The following INTS5 variants were observed in gnomAD, a reference collection of about 807,000 sequenced individuals.
INTS5 encodes KIAA1698.
In INTS5, 29 loss-of-function variants were observed where a neutral mutation model predicts 60.0. That is an observed-to-expected ratio of 0.48 (90% confidence interval 0.36 to 0.66). The LOEUF is 0.66. INTS5 is among the 30% of genes least tolerant of loss of function. INTS5 has a pLI of 0.00. For missense variants in INTS5, 1,129 were observed against 1,307.9 expected, an observed-to-expected ratio of 0.86 and a Z score of 2.11; for synonymous variants, 588 against 558.8, an observed-to-expected ratio of 1.05 and a Z score of -0.74.
rs1565118779 is a variant in INTS5 at position 62,647,882 on chromosome 11, C to T, written c.2198G>A (p.Arg733Gln). The T allele has an allele frequency of 2.5e-6, 4 of 1,614,192 alleles. No individual in the cohort carries two copies. The highest frequency in any genetic ancestry group is 2.2e-5 in the East Asian group (1 of 44,878). Residue 733 changes from arginine to glutamine, a missense_variant, in exon 2 of 2, where the codon CGG (arginine) becomes CAG (glutamine). By Grantham distance (43) the Arg-to-Gln change is conservative. Around this residue, in one of 3 missense-constraint regions of INTS5, gnomAD observed 1,070 missense variants for 1,246.1 expected, o/e 0.86. Transcript: ENST00000330574. ...ACCTGGCACAGCTGCAGTGTGCCTCCGGTTAGTGTCCAACAGGGAGGCAGA... is the reference window on the plus strand; with the variant it reads ...ACCTGGCACAGCTGCAGTGTGCCTCTGGTTAGTGTCCAACAGGGAGGCAGA... ...LASASLLDTN[R>Q]RHTAAVPGPG...
In INTS5 at chr11:62,648,418, G is replaced by C; in HGVS notation, c.1662C>G (p.Phe554Leu). The C allele has an allele frequency of 6.2e-7, 1 of 1,614,226 alleles. No individual in the cohort carries two copies. The highest frequency in any genetic ancestry group is 1.7e-5 in the Admixed American group (1 of 60,034). The change falls in exon 2 of 2, where the codon TTC becomes TTG. Residue 554 changes from phenylalanine to leucine, a missense_variant. Around this residue, in one of 3 missense-constraint regions of INTS5, gnomAD observed 1,070 missense variants for 1,246.1 expected, o/e 0.86. Transcript: ENST00000330574. This position sits in a 1 kb window ranked among gnomAD's most constrained non-coding sequence, Gnocchi z 4.4. ...VSLSGLLPLAFRSCLARVHAG... is the reference protein window; with the variant it reads ...VSLSGLLPLALRSCLARVHAG... The stretch of plus-strand genomic sequence containing the variant: ...CATGCACCCGAGCCAGACAGCTTCG[G>C]AAAGCCAGGGGCAGGAGGCCAGAGA...
In INTS5 at chr11:62,647,985, G is replaced by C. The variant is rs1443398506; in HGVS notation, c.2095C>G (p.Arg699Gly). 1 of 1,613,982 alleles carries C rather than the reference G, an allele frequency of 6.2e-7. No homozygotes were observed. The highest frequency in any genetic ancestry group is 1.3e-5 in the African/African-American group (1 of 74,926). The change falls in exon 2 of 2, where the codon CGA becomes GGA. Residue 699 changes from arginine to glycine, a missense_variant. Coordinates refer to ENST00000330574, the MANE Select transcript of INTS5 (RefSeq NM_030628.2). ...CCACCAAACAGTTCTGTGTTGCCTC[G>C]ATGTAAGGCTCCTTCAACCAGCAGC... ...LQLLVEGALH[R>G]GNTELFGGQV...
rs1944539801 is a variant in INTS5, at chr11:62,647,631, C to T, written c.2449G>A (p.Val817Met). ...GCTGCATCGGGACACACACTCTCCA[C>T]CAAGGTCACTGCCACTGCTTTGGCT... is the stretch of plus-strand genomic sequence containing the variant. ...EAAKAVAVTL[V>M]ESVCPDAAGA... The change falls in exon 2 of 2, where the codon GTG becomes ATG. Residue 817 changes from valine (V) to methionine (M), a missense_variant. By Grantham distance (21) the Val-to-Met change is conservative (BLOSUM62 1). Around this residue, in one of 3 missense-constraint regions of INTS5, gnomAD observed 1,070 missense variants for 1,246.1 expected, o/e 0.86. Transcript: ENST00000330574. 1.2e-6 allele frequency: 2 copies of T among 1,613,966 alleles called. No individual in the cohort carries two copies. The highest frequency in any genetic ancestry group is 1.7e-5 in the Admixed American group (1 of 60,016).
rs1590835132 is a variant in INTS5 at position 62,646,906 on chromosome 11, G to A, written c.*114C>T. ...AAAAAAAAGTGGGAGAGAAAAAAGT[G>A]ACAGCGCTCTTTAGACCAAGGACTT... is the stretch of plus-strand genomic sequence containing the variant. On this transcript the variant is annotated 3_prime_UTR_variant, in exon 2 of 2. Transcript: ENST00000330574. 1.9e-5 allele frequency: 18 copies of A among 956,200 alleles called. No individual in the cohort carries two copies. The East Asian group carries it at 3.8e-4, about 20-fold the overall frequency. 59.2% of individuals were successfully genotyped at this position (956,200 alleles called of 1,614,324 possible). A position where few individuals can be genotyped will look rare whatever the true frequency, so the allele number is the denominator to read the frequency against.
chr11:62,649,841 A>G lies in INTS5; in HGVS notation c.239T>C (p.Val80Ala). 6.2e-6 allele frequency: 10 copies of G among 1,614,092 alleles called. No individual in the cohort carries two copies. The highest frequency in any genetic ancestry group is 8.5e-6 in the Non-Finnish European group (10 of 1,179,990). The change falls in exon 2 of 2, where the codon GTC becomes GCC. Residue 80 changes from valine to alanine, a missense_variant. By Grantham distance (64) the Val-to-Ala change is moderately conservative. Transcript: ENST00000330574. This position sits in a 1 kb window ranked among gnomAD's most constrained non-coding sequence, Gnocchi z 6.0. ...GTGGGCCCGGACACTCTCATCAAAG[A>G]CACCTCTCAAGTGGTCAAGCACAGC... ...RAAVLDHLRG[V>A]FDESVRAHLA...
In INTS5 at chr11:62,649,204, G is replaced by A; in HGVS notation, c.876C>T (p.Ala292=). The stretch of plus-strand genomic sequence containing the variant: ...GGTGACCTAGGATGCCTACAACTGA[G>A]GCAATCTTGGGCACCCGTTTCTCCG... The part of the protein sequence containing the change: ...IPAEKRVPKI[A]SVVGILGHLA... Residue 292 remains alanine, a synonymous_variant, in exon 2 of 2, where the codon GCC becomes GCT. Coordinates refer to ENST00000330574, the MANE Select transcript of INTS5 (RefSeq NM_030628.2). The surrounding 1 kb of genome is among the most constrained non-coding windows in gnomAD (Gnocchi z 6.0). 6.2e-7 allele frequency: 1 copy of A among 1,613,990 alleles called. No individual in the cohort carries two copies. The highest frequency in any genetic ancestry group is 8.5e-7 in the Non-Finnish European group (1 of 1,179,852).
In INTS5 at chr11:62,648,941, G is replaced by C; in HGVS notation, c.1139C>G (p.Pro380Arg). 1.2e-6 allele frequency: 2 copies of C among 1,612,654 alleles called. No individual in the cohort carries two copies. ...CAACATGTTGTCCAGCTCCTCTCGG[G>C]GGAATCCTTGAAGGTGTTGCTGCAG... ...SQLQQHLQGF[P>R]REELDNMLNL... is the part of the protein sequence containing the mutation. The change falls in exon 2 of 2, where the codon CCC becomes CGC. Residue 380 changes from proline (P) to arginine (R), a missense_variant. Coordinates refer to ENST00000330574, the MANE Select transcript of INTS5 (RefSeq NM_030628.2). This position sits in a 1 kb window ranked among gnomAD's most constrained non-coding sequence, Gnocchi z 4.4.
chr11:62,647,409 C>T lies in INTS5; in HGVS notation c.2671G>A (p.Ala891Thr). The T allele has an allele frequency of 1.2e-6, 2 of 1,611,444 alleles. No individual in the cohort carries two copies. The highest frequency in any genetic ancestry group is 1.7e-6 in the Non-Finnish European group (2 of 1,178,600). ...LLAALLGHWE[A>T]SRHPDTTHSP... The stretch of plus-strand genomic sequence containing the variant: ...TGGGTCGTGTCAGGGTGGCGAGAGG[C>T]TTCCCAATGGCCCAAGAGGGCGGCC... The change falls in exon 2 of 2, where the codon GCC becomes ACC. Residue 891 changes from alanine (A) to threonine (T), a missense_variant. By Grantham distance (58) the Ala-to-Thr change is moderately conservative. Coordinates refer to ENST00000330574, the MANE Select transcript of INTS5 (RefSeq NM_030628.2).
rs1565119528 is a variant in INTS5, at chr11:62,648,471, G to A, written c.1609C>T (p.Gln537Ter). Residue 537 changes from glutamine (Q) to a stop codon, truncating the protein, a stop_gained, in exon 2 of 2, where the codon CAG becomes TAG. Coordinates refer to ENST00000330574, the MANE Select transcript of INTS5 (RefSeq NM_030628.2). LOFTEE classifies it high-confidence loss of function. This position sits in a 1 kb window ranked among gnomAD's most constrained non-coding sequence, Gnocchi z 4.4. ...CTGACCACTAGCCCTGCATATAACTGGGTGGCCAAACTCAACTCTTCAGGG... is the reference window on the plus strand; with the variant it reads ...CTGACCACTAGCCCTGCATATAACTAGGTGGCCAAACTCAACTCTTCAGGG... ...RSPEELSLAT[Q>*]LYAGLVVSLS... 1 of 1,614,194 alleles carries A rather than the reference G, an allele frequency of 6.2e-7. No homozygotes were observed. The highest frequency in any genetic ancestry group is 8.5e-7 in the Non-Finnish European group (1 of 1,180,046).
intron 1 of INTS5, among the ~76,000 whole-genome samples, chr11:62,651,267 C>T (rs918300192): frequency 2.6e-5 from 4 of 152,000 alleles, no homozygotes; most frequent in Non-Finnish European, 4.4e-5. Context: ...CCCGCCACCA[C>T]GCCCGGCTAA....
At position 62,647,080 on chromosome 11, in the gene INTS5, A is replaced by C. The variant is rs778848414; in HGVS notation, c.3000T>G (p.Gly1000=). Residue 1000 remains glycine (G), a synonymous_variant, in exon 2 of 2, where the codon GGT becomes GGG. Coordinates refer to ENST00000330574, the MANE Select transcript of INTS5 (RefSeq NM_030628.2). Reference sequence around the variant, plus strand: ...GTGCCTGGAAACGGCCAGAGAAAAGACCTAGGCGGTCGATGTTGCGGTGGA... The same window carrying C: ...GTGCCTGGAAACGGCCAGAGAAAAGCCCTAGGCGGTCGATGTTGCGGTGGA... The part of the protein sequence containing the change: ...SVLHRNIDRL[G]LFSGRFQAPS... The C allele has an allele frequency of 2.0e-5, 32 of 1,614,044 alleles. No homozygotes were observed. Among genetic ancestry groups the C allele is most frequent in the Non-Finnish European group, 2.4e-5 (28 of 1,179,992 alleles).
At chr11:62,651,546 T>C (rs987526024) in intron 1 of INTS5, among the ~76,000 whole-genome samples, 3 of 152,244 alleles carry the variant, frequency 2.0e-5, no homozygotes, top group Admixed American at 2.0e-4. Context: ...AGTTAGGTAC[T>C]ATTATGATCC....
chr11:62,653,243 C>T lies in INTS5; in HGVS notation c.7G>A (p.Ala3Thr), dbSNP rs1366439212. 4.0e-6 allele frequency: 5 copies of T among 1,243,306 alleles called. No homozygotes were observed. The highest frequency in any genetic ancestry group is 5.1e-6 in the Non-Finnish European group (5 of 987,510). The allele number at this position is 1,243,306 out of a possible 1,614,324, so 77.0% of individuals were successfully genotyped here. The change falls in exon 1 of 2, where the codon GCG (alanine) becomes ACG (threonine). Residue 3 changes from alanine (A) to threonine (T), a missense_variant. Coordinates refer to ENST00000330574, the MANE Select transcript of INTS5 (RefSeq NM_030628.2). Reference protein sequence around the residue: MSALCDPPGAPGP... With the variant: MSTLCDPPGAPGP... ...GGGGCCCCGGGAGGGTCGCACAGCGCGGACATCCCGGAGCCCGAGCCGAGC... is the reference window on the plus strand; with the variant it reads ...GGGGCCCCGGGAGGGTCGCACAGCGTGGACATCCCGGAGCCCGAGCCGAGC...
Position 62,647,683 on chromosome 11 carries a change from C to A in INTS5, c.2397G>T (p.Trp799Cys), listed in dbSNP as rs1272294953. The change falls in exon 2 of 2, where the codon TGG (tryptophan) becomes TGT (cysteine). Residue 799 changes from tryptophan to cysteine, a missense_variant. Trp to Cys is a radical substitution (Grantham distance 215). Coordinates refer to ENST00000330574, the MANE Select transcript of INTS5 (RefSeq NM_030628.2). ...CCTCTGGACTCAAGATGGGTGCCCC[C>A]CAGCATTCCCCACATTCAGTGCCCC... ...APGGTECGEC[W>C]GAPILSPEAA... The A allele has an allele frequency of 1.2e-6, 2 of 1,614,124 alleles. No homozygotes were observed. The highest frequency in any genetic ancestry group is 1.7e-6 in the Non-Finnish European group (2 of 1,180,026).
In INTS5 at chr11:62,648,436, G is replaced by A. The variant is rs1590837506; in HGVS notation, c.1644C>T (p.Gly548=). ...AGCTTCGGAAAGCCAGGGGCAGGAG[G>A]CCAGAGAGGCTGACCACTAGCCCTG... ...LYAGLVVSLS[G]LLPLAFRSCL... is the part of the protein sequence containing the mutation. Residue 548 remains glycine, a synonymous_variant, in exon 2 of 2, where the codon GGC becomes GGT. Transcript: ENST00000330574. The surrounding 1 kb of genome is among the most constrained non-coding windows in gnomAD (Gnocchi z 4.4). 1.9e-6 allele frequency: 3 copies of A among 1,614,214 alleles called. No individual in the cohort carries two copies. The South Asian group carries it at 3.3e-5, about 18-fold the overall frequency.
Position 62,649,986 on chromosome 11 carries a change from A to G in INTS5, c.94T>C (p.Ser32Pro). The G allele has an allele frequency of 6.2e-7, 1 of 1,614,058 alleles. No homozygotes were observed. Among genetic ancestry groups the G allele is most frequent in the South Asian group, 1.1e-5 (1 of 91,086 alleles). ...GTCAGAAAAGCCTTGATTTCCTGGG[A>G]CAGCTCCTGAGCACTACAAGGAAGC... ...GPAPLSAQEL[S>P]QEIKAFLTGV... Residue 32 changes from serine (S) to proline (P), a missense_variant, in exon 2 of 2, where the codon TCC becomes CCC. Physicochemically the swap from Ser to Pro is moderately conservative, Grantham distance 74. Coordinates refer to ENST00000330574, the MANE Select transcript of INTS5 (RefSeq NM_030628.2). This position sits in a 1 kb window ranked among gnomAD's most constrained non-coding sequence, Gnocchi z 6.0.
chr11:62,653,263 C>CCGAGCCCGAGG lies in INTS5; in HGVS notation c.-25_-15dup, dbSNP rs1944611780. On this transcript the variant is annotated 5_prime_UTR_variant, in exon 1 of 2. Coordinates refer to ENST00000330574, the MANE Select transcript of INTS5 (RefSeq NM_030628.2). Reference sequence around the variant, plus strand: ...CAGCGCGGACATCCCGGAGCCCGAGCCGAGCCCGAGGCGCGAGCGGCGGAG... The same window carrying CCGAGCCCGAGG: ...CAGCGCGGACATCCCGGAGCCCGAGCCGAGCCCGAGGCGAGCCCGAGGCGCGAGCGGCGGAG... The CCGAGCCCGAGG allele has an allele frequency of 8.0e-7, 1 of 1,242,674 alleles. No individual in the cohort carries two copies. Among genetic ancestry groups the CCGAGCCCGAGG allele is most frequent in the East Asian group, 3.2e-5 (1 of 31,636 alleles). 77.0% of individuals were successfully genotyped at this position (1,242,674 alleles called of 1,614,324 possible).
In INTS5 at chr11:62,653,294, G is replaced by A. The variant is rs978570656; in HGVS notation, c.-45C>T. ...CCGAGGCGCGAGCGGCGGAGCGCAGGCGGCGCATGCGCGCTGACAGGAAAC... is the reference window on the plus strand; with the variant it reads ...CCGAGGCGCGAGCGGCGGAGCGCAGACGGCGCATGCGCGCTGACAGGAAAC... On this transcript the variant is annotated 5_prime_UTR_variant, in exon 1 of 2. Coordinates refer to ENST00000330574, the MANE Select transcript of INTS5 (RefSeq NM_030628.2). 6 of 1,209,174 alleles carry A rather than the reference G, an allele frequency of 5.0e-6. No individual in the cohort carries two copies. Among genetic ancestry groups the A allele is most frequent in the East Asian group, 6.4e-5 (2 of 31,386 alleles). 74.9% of individuals were successfully genotyped at this position (1,209,174 alleles called of 1,614,324 possible).
chr11:62,647,584 G>C lies in INTS5; in HGVS notation c.2496C>G (p.Pro832=), dbSNP rs1333384866. The part of the protein sequence containing the change: ...PDAAGAELAW[P]PEEHARATVE... ...CGGTGGCCCGGGCGTGTTCCTCGGG[G>C]GGCCAGGCCAGCTCTGCACCAGCTG... is the stretch of plus-strand genomic sequence containing the variant. The change falls in exon 2 of 2, where the codon CCC becomes CCG. Residue 832 remains proline, a synonymous_variant. Coordinates refer to ENST00000330574, the MANE Select transcript of INTS5 (RefSeq NM_030628.2). 6.2e-7 allele frequency: 1 copy of C among 1,613,846 alleles called. No homozygotes were observed. The highest frequency in any genetic ancestry group is 8.5e-7 in the Non-Finnish European group (1 of 1,180,038).
Sources: gnomAD v4.1 joint callset for allele counts (sites outside exome capture counted in the v4.1 genomes callset) on GRCh38, gnomAD v4.1.1 for gene constraint, gnomAD v4.1.1 regional missense constraint, Gnocchi (gnomAD v3.1) non-coding constraint, MANE v1.5 for transcripts, NCBI Gene and HGNC (gene_info 2026-07-23, HGNC 2026-07-21) for gene names.